EMB: variants seen among roughly 807,000 people sequenced by gnomAD.
EMB encodes the protein embigin.
Under a neutral mutation model 41.4 loss-of-function variants are expected in EMB, and 31 were observed. The ratio of observed to expected loss-of-function variants is 0.75; its 90% CI spans 0.56 to 1.01. The LOEUF (loss-of-function observed/expected upper bound fraction) is 1.01. EMB is among the 50% of genes least tolerant of loss of function. EMB has a pLI of 0.00. For synonymous variants in EMB, 137 were observed against 140.4 expected (o/e 0.98, Z 0.17); for missense variants, 379 against 388.3 (o/e 0.98, Z 0.20).
At chr5:50,401,256 T>A (rs755426886) in intron 7 of EMB, among the ~76,000 whole-genome samples, 1 of 152,030 alleles carries the variant, frequency 6.6e-6, no homozygotes. Context: ...GAAGCTCATA[T>A]CATATTGGTT....
Position 50,397,553 on chromosome 5 carries a change from A to G in EMB, c.*1720T>C, listed in dbSNP as rs917747262. The G allele has an allele frequency of 6.6e-6, 1 of 152,126 alleles. No homozygotes were observed. Among genetic ancestry groups the G allele is most frequent in the African/African-American group, 2.4e-5 (1 of 41,448 alleles). 9.4% of individuals were successfully genotyped at this position (152,126 alleles called of 1,614,324 possible). On this transcript the variant is annotated 3_prime_UTR_variant, in exon 9 of 9. Coordinates refer to ENST00000303221, the MANE Select transcript of EMB (RefSeq NM_198449.3). ...TTGTTTGTGTTCTATATTCCAAGTC[A>G]CAAATACACTGCTTTGAATTGTATT...
intron 2 of EMB, among the ~76,000 whole-genome samples, chr5:50,414,292 G>T (rs1229950645): frequency 1.3e-5 from 2 of 152,080 alleles, no homozygotes; most frequent in East Asian, 3.9e-4. Flanking sequence ...GGGAGACTGA[G>T]GTGTGTGGGA....
chr5:50,431,303 G>A (rs1579742821), intron 1 of EMB, among the ~76,000 whole-genome samples: 1 of 152,184 alleles, frequency 6.6e-6, no homozygotes, highest in Non-Finnish European at 1.5e-5. Context: ...GAAGTTCTTT[G>A]TTTAGGCAAG....
chr5:50,410,598 G>T (rs1745320467), intron 4 of EMB, among the ~76,000 whole-genome samples: 1 of 152,048 alleles, frequency 6.6e-6, no homozygotes, highest in Non-Finnish European at 1.5e-5. Context: ...GATAAATAAA[G>T]AAATTCAGGC....
At chr5:50,406,667 G>A (rs1225796485) in intron 4 of EMB, among the ~76,000 whole-genome samples, 3 of 151,876 alleles carry the variant, frequency 2.0e-5, no homozygotes, top group Admixed American at 1.3e-4. Context: ...TTACACTGAA[G>A]ATGTAGACTC....
chr5:50,419,178 T>G (rs1745475125), intron 2 of EMB, among the ~76,000 whole-genome samples: 1 of 152,158 alleles, frequency 6.6e-6, no homozygotes, highest in South Asian at 2.1e-4. Flanking sequence ...CCATGGCCAG[T>G]CCTGCCCTTT....
intron 1 of EMB, among the ~76,000 whole-genome samples, chr5:50,434,171 C>G (rs1473073634): frequency 6.6e-6 from 1 of 152,106 alleles, no homozygotes; most frequent in East Asian, 1.9e-4. Flanking sequence ...TACAATTCAC[C>G]CACCGCATAT....
At chr5:50,442,311 C>T (rs373965552), upstream of EMB, among the ~76,000 whole-genome samples, 1 of 151,962 alleles carries the variant, frequency 6.6e-6, no homozygotes, top group Non-Finnish European at 1.5e-5. Context: ...GTAATTGGTA[C>T]GTATTACTAA....
chr5:50,418,389 G>A (rs563347366), intron 2 of EMB, among the ~76,000 whole-genome samples: 1 of 152,282 alleles, frequency 6.6e-6, no homozygotes, highest in African/African-American at 2.4e-5. Flanking sequence ...CACTCACTGC[G>A]GAAACCTAAG....
chr5:50,411,447 T>A (rs894514224), intron 2 of EMB, 64 bp from the exon 3 acceptor site: 1 of 1,106,836 alleles, frequency 9.0e-7, no homozygotes, highest in Non-Finnish European at 1.3e-6. Flanking sequence ...ACATAAAACC[T>A]TTTATATTAT....
At chr5:50,414,528 CAAAAAAAAAAAAA>C (rs34645448) in intron 2 of EMB, among the ~76,000 whole-genome samples, 29 of 46,708 alleles carry the variant, frequency 6.2e-4, no homozygotes, top group Non-Finnish European at 7.5e-4. Flanking sequence ...CTGTCTCAGG[CAAAAAAAAAAAAA>C]AAAAAAAAAA....
chr5:50,438,279 C>G (rs535655000), intron 1 of EMB, among the ~76,000 whole-genome samples: 1 of 152,336 alleles, frequency 6.6e-6, no homozygotes, highest in East Asian at 1.9e-4. Flanking sequence ...ATTTCTTCAT[C>G]TTGAGCCCAG....
In EMB at chr5:50,441,045, G is replaced by A. The variant is rs896744180; in HGVS notation, c.107C>T (p.Ala36Val). The A allele has an allele frequency of 8.0e-6, 12 of 1,507,420 alleles. No homozygotes were observed. Among genetic ancestry groups the A allele is most frequent in the African/African-American group, 1.4e-5 (1 of 69,852 alleles). 93.4% of individuals were successfully genotyped at this position (1,507,420 alleles called of 1,614,324 possible). ...GGACCCTGTACCCATCACACCTGGG[G>A]CACTGCCGTCCGCCGAGCTTGGGCG... ...AARPSSADGS[A>V]PDSPFTSPPL... The change falls in exon 1 of 9, where the codon GCC becomes GTC. Residue 36 changes from alanine (A) to valine (V), a missense_variant. Physicochemically the swap from Ala to Val is moderately conservative, Grantham distance 64. Coordinates refer to ENST00000303221, the MANE Select transcript of EMB (RefSeq NM_198449.3).
chr5:50,420,050 C>T (rs1745492851), intron 2 of EMB, among the ~76,000 whole-genome samples: 1 of 151,964 alleles, frequency 6.6e-6, no homozygotes, highest in African/African-American at 2.4e-5. Flanking sequence ...GGGTGCAGAG[C>T]ATTAGGGAAA....
At chr5:50,424,583 T>G (rs931950627) in intron 2 of EMB, among the ~76,000 whole-genome samples, 1 of 152,168 alleles carries the variant, frequency 6.6e-6, no homozygotes. Context: ...ACAAGATTAT[T>G]AAATCATGTG....
intron 4 of EMB, among the ~76,000 whole-genome samples, chr5:50,407,692 A>G (rs1437549178): frequency 1.3e-5 from 2 of 152,004 alleles, no homozygotes; most frequent in Non-Finnish European, 2.9e-5. Context: ...GCCACAGCTT[A>G]TATTTGGAAA....
At chr5:50,424,763 G>A (rs1745582890) in intron 2 of EMB, among the ~76,000 whole-genome samples, 1 of 152,024 alleles carries the variant, frequency 6.6e-6, no homozygotes, top group South Asian at 2.1e-4. Flanking sequence ...CATCTAGTGG[G>A]TAATGGCTAG....
chr5:50,427,255 G>C (rs1214480098), intron 2 of EMB, among the ~76,000 whole-genome samples: 4 of 152,168 alleles, frequency 2.6e-5, no homozygotes, highest in Non-Finnish European at 4.4e-5. Context: ...ATTTTGTTTA[G>C]AGATTCATCT....
At chr5:50,430,725 A>G (rs1745707873) in intron 1 of EMB, among the ~76,000 whole-genome samples, 1 of 152,200 alleles carries the variant, frequency 6.6e-6, no homozygotes, top group Non-Finnish European at 1.5e-5. Context: ...TATAGCCAGT[A>G]TATTTTATAC....
Sources: allele counts gnomAD v4.1 joint callset (sites outside exome capture counted in the v4.1 genomes callset), GRCh38; gene constraint gnomAD v4.1.1; transcripts MANE v1.5; gene names NCBI Gene and HGNC (gene_info 2026-07-23, HGNC 2026-07-21).